Variants in DISC1 observed in about 807,000 individuals in gnomAD.
DISC1 encodes the protein disrupted in schizophrenia 1 protein.
A neutral mutation model predicts 84.5 loss-of-function variants in DISC1; 57 were observed. The observed-to-expected ratio is 0.67, with a 90% CI of 0.55 to 0.84. The LOEUF (loss-of-function observed/expected upper bound fraction) is 0.84, where lower values mean the gene tolerates loss of function less well. Ranked by LOEUF, DISC1 falls within the 40% of genes least tolerant of loss-of-function variation. The pLI is 0.00. For synonymous variants in DISC1, 411 were observed against 415.2 expected (o/e 0.99, Z 0.12); for missense variants, 1,000 against 1,057.8 (o/e 0.95, Z 0.76).
At chr1:231,722,022 G>A (rs1464566925) in intron 3 of DISC1, among the ~76,000 whole-genome samples, 2 of 151,808 alleles carry the variant, frequency 1.3e-5, no homozygotes, top group African/African-American at 2.4e-5. Flanking sequence ...GTGTGGTGGC[G>A]GGCACCTGTA....
intron 3 of DISC1, among the ~76,000 whole-genome samples, chr1:231,730,752 C>T (rs2071409577): frequency 6.6e-6 from 1 of 152,104 alleles, no homozygotes; most frequent in South Asian, 2.1e-4. Flanking sequence ...TAGACTATAC[C>T]TAATAAACTT....
At chr1:231,719,565 T>G (rs1226080066) in intron 3 of DISC1, among the ~76,000 whole-genome samples, 6 of 152,200 alleles carry the variant, frequency 3.9e-5, no homozygotes, top group Admixed American at 3.3e-4. Flanking sequence ...ATCTATAAAA[T>G]GGGATAATAG....
At chr1:231,678,301 A>C (rs1221544377) in intron 1 of DISC1, among the ~76,000 whole-genome samples, 1 of 152,218 alleles carries the variant, frequency 6.6e-6, no homozygotes, top group Non-Finnish European at 1.5e-5. Context: ...CACCCACCAG[A>C]ACCCAGGGAA....
intron 9 of DISC1, among the ~76,000 whole-genome samples, chr1:231,892,839 G>A (rs1469780392): frequency 1.3e-5 from 2 of 152,118 alleles, no homozygotes; most frequent in African/African-American, 2.4e-5. Context: ...TCATGCAAAT[G>A]ACTGAGAAGC....
chr1:231,960,002 G>T (rs10158776), intron 10 of DISC1, among the ~76,000 whole-genome samples: 12,120 of 152,168 alleles, frequency 0.08, 818 homozygotes, highest in East Asian at 0.23. Flanking sequence ...GGCAGCCAGT[G>T]GTAGCCATAA....
rs928488181 is a variant in DISC1, at chr1:231,702,592, A to G, written c.1117+568A>G. On this transcript the variant is annotated intron_variant, in intron 3 of 12. Coordinates refer to ENST00000439617, the MANE Select transcript of DISC1 (RefSeq NM_018662.3). ...AAAATACCCAAGAGAAAAAGAAGTT[A>G]CAACATTAGACCAGAGATAGAGGGA... 1.0e-5 allele frequency: 10 copies of G among 985,306 alleles called. No individual in the cohort carries two copies. The African/African-American group carries it at 1.4e-4, about 14-fold the overall frequency. 61.0% of individuals were successfully genotyped at this position (985,306 alleles called of 1,614,324 possible).
At chr1:231,980,767 A>G (rs2102867558) in intron 10 of DISC1, among the ~76,000 whole-genome samples, 1 of 152,294 alleles carries the variant, frequency 6.6e-6, no homozygotes, top group South Asian at 2.1e-4. Flanking sequence ...ATGGGGACTG[A>G]CACCATTTAG....
At chr1:231,955,218 T>C in intron 9 of DISC1, among the ~76,000 whole-genome samples, 1 of 152,212 alleles carries the variant, frequency 6.6e-6, no homozygotes, top group Middle Eastern at 3.2e-3. Context: ...TTACTCCCAC[T>C]TCCTTAGTGA....
chr1:231,639,455 A>T (rs1002601967), intron 1 of DISC1, among the ~76,000 whole-genome samples: 1 of 152,226 alleles, frequency 6.6e-6, no homozygotes, highest in Non-Finnish European at 1.5e-5. Flanking sequence ...TTCCTGAAAC[A>T]CTGGACAAGT....
At chr1:232,020,370 A>G (rs1668854419) in intron 11 of DISC1, among the ~76,000 whole-genome samples, 1 of 152,156 alleles carries the variant, frequency 6.6e-6, no homozygotes, top group Non-Finnish European at 1.5e-5. Flanking sequence ...AAAAAATAAA[A>G]GGATTCTTCA....
At chr1:231,784,050 T>A (rs2077640689) in intron 6 of DISC1, among the ~76,000 whole-genome samples, 2 of 151,940 alleles carry the variant, frequency 1.3e-5, no homozygotes, top group Non-Finnish European at 2.9e-5. Flanking sequence ...GATCACGAGG[T>A]CAGGAGTTTG....
chr1:231,924,976 T>C, intron 9 of DISC1, among the ~76,000 whole-genome samples: 1 of 148,036 alleles, frequency 6.8e-6, no homozygotes, highest in South Asian at 2.2e-4. Flanking sequence ...TTTTTTTAAA[T>C]GATTCTTTTG....
chr1:231,825,045 C>T (rs1018658906), intron 9 of DISC1, among the ~76,000 whole-genome samples: 5 of 152,176 alleles, frequency 3.3e-5, no homozygotes, highest in Non-Finnish European at 7.4e-5. Context: ...ACTCTAGCCC[C>T]TTGTATGTGA....
chr1:231,957,198 C>G (rs996951149), intron 9 of DISC1, among the ~76,000 whole-genome samples: 2 of 152,144 alleles, frequency 1.3e-5, no homozygotes, highest in Non-Finnish European at 2.9e-5. Flanking sequence ...TGGCTCCGGC[C>G]ACACTTGCTA....
chr1:231,668,919 A>C (rs2062290106), intron 1 of DISC1, among the ~76,000 whole-genome samples: 1 of 152,178 alleles, frequency 6.6e-6, no homozygotes, highest in African/African-American at 2.4e-5. Context: ...ACATATCTGA[A>C]GTCAGTGCTC....
At chr1:231,795,557 A>G (rs1208082587) in intron 7 of DISC1, among the ~76,000 whole-genome samples, 1 of 152,160 alleles carries the variant, frequency 6.6e-6, no homozygotes, top group Non-Finnish European at 1.5e-5. Flanking sequence ...GGGACTGAAA[A>G]AGGACTGCCA....
At chr1:231,837,665 A>G (rs545612504) in intron 9 of DISC1, among the ~76,000 whole-genome samples, 1 of 152,320 alleles carries the variant, frequency 6.6e-6, no homozygotes, top group South Asian at 2.1e-4. Flanking sequence ...AACTCTCTAC[A>G]TGTGAACCTT....
At chr1:231,980,967 G>T (rs954528581) in intron 10 of DISC1, among the ~76,000 whole-genome samples, 3 of 152,218 alleles carry the variant, frequency 2.0e-5, no homozygotes, top group African/African-American at 4.8e-5. Flanking sequence ...AAATTTTTGA[G>T]ATAGGGTCTT....
At chr1:231,886,775 C>T (rs1558692005) in intron 9 of DISC1, among the ~76,000 whole-genome samples, 6 of 68,470 alleles carry the variant, frequency 8.8e-5, no homozygotes, top group African/African-American at 3.0e-4. Flanking sequence ...TCCTTTCTTT[C>T]TTTCTTTCTT....
Sources: gnomAD v4.1 joint callset for allele counts (sites outside exome capture counted in the v4.1 genomes callset) on GRCh38, gnomAD v4.1.1 for gene constraint, MANE v1.5 for transcripts, NCBI Gene and HGNC (gene_info 2026-07-23, HGNC 2026-07-21) for gene names.